Variants in MARCHF1 observed in about 807,000 individuals in gnomAD.
MARCHF1 encodes membrane associated ring-CH-type finger 1, also known as E3 ubiquitin-protein ligase MARCHF1.
MARCHF1 carries 40 observed loss-of-function variants against 54.2 expected under a neutral mutation model. The ratio of observed to expected loss-of-function variants is 0.74; its 90% confidence interval spans 0.57 to 0.96. The LOEUF (loss-of-function observed/expected upper bound fraction) is 0.96. MARCHF1 is among the 40% of genes least tolerant of loss of function. The probability of loss-of-function intolerance (pLI) is 0.00; values close to 1 mark genes in which losing one functional copy is unlikely to be tolerated. For synonymous variants in MARCHF1, 236 were observed against 236.3 expected, an observed-to-expected ratio of 1.00 and a Z score of 0.01; for missense variants, 586 against 656.5, an observed-to-expected ratio of 0.89 and a Z score of 1.17.
At chr4:163,951,976 T>G (rs4582116) in intron 3 of MARCHF1, among the ~76,000 whole-genome samples, 98,375 of 151,506 alleles carry the variant, frequency 0.65, 32,098 homozygotes, top group East Asian at 0.85. Context: ...GTTTTTCATT[T>G]TGTGATATAA....
chr4:164,015,247 C>G (rs1753510982), intron 2 of MARCHF1, among the ~76,000 whole-genome samples: 1 of 151,982 alleles, frequency 6.6e-6, no homozygotes, highest in African/African-American at 2.4e-5. Context: ...AACTGGATAT[C>G]CATATGCAGA....
At chr4:163,690,174 G>A (rs1300774223) in intron 5 of MARCHF1, among the ~76,000 whole-genome samples, 2 of 152,142 alleles carry the variant, frequency 1.3e-5, no homozygotes, top group Non-Finnish European at 2.9e-5. Context: ...TGATTTGTGA[G>A]CCAACTTGCA....
At chr4:163,745,113 TTC>T (rs1491150175) in intron 4 of MARCHF1, among the ~76,000 whole-genome samples, 3 of 150,930 alleles carry the variant, frequency 2.0e-5, no homozygotes, top group Non-Finnish European at 4.4e-5. Flanking sequence ...TTTTCTTTCT[TTC>T]TTTTTTTTTT....
chr4:163,759,107 CT>C (rs76996625), intron 4 of MARCHF1, among the ~76,000 whole-genome samples: 11,625 of 147,574 alleles, frequency 0.079, 568 homozygotes, highest in African/African-American at 0.14. Context: ...TTAATATTCA[CT>C]TTTTTTTTTC....
chr4:163,621,473 T>C (rs7686154), intron 5 of MARCHF1, among the ~76,000 whole-genome samples: 1 of 152,084 alleles, frequency 6.6e-6, no homozygotes, highest in African/African-American at 2.4e-5. Flanking sequence ...GGAGATCCTA[T>C]CCTACTTAGA....
intron 5 of MARCHF1, among the ~76,000 whole-genome samples, chr4:163,695,371 G>A (rs185762023): frequency 8.5e-5 from 13 of 152,220 alleles, no homozygotes; most frequent in East Asian, 7.7e-4. Context: ...TACACAGTAC[G>A]TCATCAAAAA....
At chr4:164,001,959 G>A (rs1421119608) in intron 2 of MARCHF1, among the ~76,000 whole-genome samples, 2 of 151,764 alleles carry the variant, frequency 1.3e-5, no homozygotes, top group Non-Finnish European at 2.9e-5. Flanking sequence ...GCAAATGAGA[G>A]AGCAGATAAC....
intron 4 of MARCHF1, among the ~76,000 whole-genome samples, chr4:163,841,232 T>C (rs6855091): frequency 0.27 from 40,899 of 151,944 alleles, 6,830 homozygotes; most frequent in Non-Finnish European, 0.38. Flanking sequence ...ACCCACAGAA[T>C]GTACAAAACT....
intron 3 of MARCHF1, among the ~76,000 whole-genome samples, chr4:163,856,132 C>T (rs1201961344): frequency 1.3e-5 from 2 of 152,154 alleles, no homozygotes; most frequent in Non-Finnish European, 2.9e-5. Context: ...TCTTTTCGAA[C>T]TGTTTTGCTG....
At chr4:163,665,464 C>T (rs764996845) in intron 5 of MARCHF1, among the ~76,000 whole-genome samples, 1 of 151,994 alleles carries the variant, frequency 6.6e-6, no homozygotes, top group Non-Finnish European at 1.5e-5. Context: ...TTTCAATGTG[C>T]ATTTTTAGGC....
chr4:164,092,950 C>G (rs1460298589), intron 2 of MARCHF1, among the ~76,000 whole-genome samples: 1 of 152,056 alleles, frequency 6.6e-6, no homozygotes, highest in Admixed American at 6.6e-5. Flanking sequence ...GAATAGAAGA[C>G]CACAGAATTT....
At chr4:163,917,464 G>A (rs115446411) in intron 3 of MARCHF1, among the ~76,000 whole-genome samples, 3 of 152,074 alleles carry the variant, frequency 2.0e-5, no homozygotes, top group Admixed American at 2.0e-4. Context: ...TCTAATAGAT[G>A]TGTAGTGGCA....
chr4:164,220,953 A>G (rs1371607683), intron 1 of MARCHF1, among the ~76,000 whole-genome samples: 1 of 151,820 alleles, frequency 6.6e-6, no homozygotes, highest in Non-Finnish European at 1.5e-5. Flanking sequence ...AAATGCCTCA[A>G]ATCATTTTTG....
chr4:163,662,930 C>T (rs770661094), intron 5 of MARCHF1, among the ~76,000 whole-genome samples: 3 of 151,960 alleles, frequency 2.0e-5, no homozygotes, highest in Non-Finnish European at 2.9e-5. Context: ...AGTAACCTCA[C>T]CCCTTCTTCA....
intron 4 of MARCHF1, among the ~76,000 whole-genome samples, chr4:163,793,961 A>C (rs1440346774): frequency 6.6e-6 from 1 of 151,984 alleles, no homozygotes; most frequent in Non-Finnish European, 1.5e-5. Flanking sequence ...TCCTTCTTTA[A>C]CTCGGTGTCT....
chr4:164,123,667 T>G (rs139052050), intron 1 of MARCHF1, among the ~76,000 whole-genome samples: 1 of 152,282 alleles, frequency 6.6e-6, no homozygotes, highest in Non-Finnish European at 1.5e-5. Context: ...GAACTCATTT[T>G]TGACAAAGAT....
intron 1 of MARCHF1, among the ~76,000 whole-genome samples, chr4:164,376,989 C>T (rs1454306088): frequency 6.6e-6 from 1 of 152,186 alleles, no homozygotes; most frequent in African/African-American, 2.4e-5. Flanking sequence ...TTATCACTCT[C>T]ACCAAGCTTC....
chr4:164,202,776 C>T (rs974597430), intron 1 of MARCHF1, among the ~76,000 whole-genome samples: 1 of 152,134 alleles, frequency 6.6e-6, no homozygotes, highest in Non-Finnish European at 1.5e-5. Flanking sequence ...TTGCTTACGC[C>T]ATTTCATAAA....
chr4:163,551,834 C>G (rs976166658), intron 8 of MARCHF1, among the ~76,000 whole-genome samples: 2 of 152,108 alleles, frequency 1.3e-5, no homozygotes, highest in Admixed American at 1.3e-4. Context: ...GTAAGACATG[C>G]CTTTCACTGT....
Sources: allele counts gnomAD v4.1 joint callset (sites outside exome capture counted in the v4.1 genomes callset), GRCh38; gene constraint gnomAD v4.1.1; transcripts MANE v1.5; gene names NCBI Gene and HGNC (gene_info 2026-07-23, HGNC 2026-07-21).